Variants in DNAH9 observed in about 807,000 individuals in gnomAD.
The protein encoded by DNAH9 is dynein axonemal heavy chain 9.
Under a neutral mutation model 471.6 loss-of-function variants are expected in DNAH9, and 345 were observed. That is an observed-to-expected ratio of 0.73 (90% CI 0.67 to 0.80). The LOEUF (loss-of-function observed/expected upper bound fraction) is 0.80, where lower values mean the gene tolerates loss of function less well. Among genes scored for constraint, DNAH9 ranks in the 30% least tolerant of loss-of-function variants. The probability of loss-of-function intolerance (pLI) is 0.00; values close to 1 mark genes in which losing one functional copy is unlikely to be tolerated. For missense variants in DNAH9, 5,407 were observed against 5,609.2 expected, an observed-to-expected ratio of 0.96 and a Z score of 1.15; for synonymous variants, 2,093 against 2,123.6, an observed-to-expected ratio of 0.99 and a Z score of 0.40.
chr17:11,760,797 C>A (rs971422181), intron 35 of DNAH9, among the ~76,000 whole-genome samples: 1 of 152,176 alleles, frequency 6.6e-6, no homozygotes, highest in African/African-American at 2.4e-5. Flanking sequence ...GGATTACAGG[C>A]GTGAGCCGCC....
intron 21 of DNAH9, 21 bp downstream of exon 21, chr17:11,694,019 C>A (rs777751806): frequency 2.5e-6 from 4 of 1,608,858 alleles, no homozygotes; most frequent in Non-Finnish European, 3.4e-6. Context: ...GCCCATTACC[C>A]CTTCTCTAAT....
In DNAH9 at chr17:11,629,580, G is replaced by C. The variant is rs778178016; in HGVS notation, c.1514G>C (p.Ser505Thr). The C allele has an allele frequency of 6.2e-7, 1 of 1,613,148 alleles. No homozygotes were observed. The highest frequency in any genetic ancestry group is 8.5e-7 in the Non-Finnish European group (1 of 1,179,686). The change falls in exon 7 of 69, where the codon AGC (serine) becomes ACC (threonine). Residue 505 changes from serine to threonine, a missense_variant. Transcript: ENST00000262442. ...TCCTCCGACTGCCTGTACCTCCAAAGCACGGTAGGGTTGGGAAGGGCTGAA... is the reference window on the plus strand; with the variant it reads ...TCCTCCGACTGCCTGTACCTCCAAACCACGGTAGGGTTGGGAAGGGCTGAA... ...GSSSDCLYLQ[S>T]TDFENDVSEF... is the part of the protein sequence containing the mutation.
At chr17:11,781,891 G>T (rs1780199248) in intron 39 of DNAH9, among the ~76,000 whole-genome samples, 1 of 149,864 alleles carries the variant, frequency 6.7e-6, no homozygotes, top group African/African-American at 2.5e-5. Flanking sequence ...CACCGTGTCT[G>T]CAGACCTTCC....
At chr17:11,854,859 A>G (rs1022051804) in intron 50 of DNAH9, among the ~76,000 whole-genome samples, 1 of 152,186 alleles carries the variant, frequency 6.6e-6, no homozygotes, top group African/African-American at 2.4e-5. Context: ...GAAGTTCGTT[A>G]AAGCAAGTTA....
intron 17 of DNAH9, among the ~76,000 whole-genome samples, chr17:11,675,557 T>C (rs11869421): frequency 0.17 from 26,306 of 152,156 alleles, 2,366 homozygotes; most frequent in African/African-American, 0.21. Flanking sequence ...CTGCTGAGTA[T>C]AATATTTGCT....
At chr17:11,818,788 T>A (rs2150937067) in intron 45 of DNAH9, among the ~76,000 whole-genome samples, 1 of 152,178 alleles carries the variant, frequency 6.6e-6, no homozygotes, top group Non-Finnish European at 1.5e-5. Context: ...CGTTCATTCT[T>A]ACCTCCCTCA....
At chr17:11,934,485 G>T (rs1447267687) in intron 65 of DNAH9, among the ~76,000 whole-genome samples, 1 of 124,096 alleles carries the variant, frequency 8.1e-6, no homozygotes, top group African/African-American at 3.0e-5. Flanking sequence ...TTGCTCTGGC[G>T]CCCAGGCTGG....
chr17:11,852,836 A>G (rs866698852), intron 49 of DNAH9, among the ~76,000 whole-genome samples: 2,247 of 135,578 alleles, frequency 0.017, 172 homozygotes, highest in African/African-American at 0.05. Flanking sequence ...ATATATATAT[A>G]TATATATATA....
intron 59 of DNAH9, 102 bp downstream of exon 59, chr17:11,894,598 G>C (rs1973166624): frequency 6.8e-7 from 1 of 1,479,862 alleles, no homozygotes; most frequent in Admixed American, 1.9e-5. Flanking sequence ...TGGAGTTCAA[G>C]CATGGAGCTG....
intron 59 of DNAH9, among the ~76,000 whole-genome samples, chr17:11,900,747 GATT>G (rs773988830): frequency 2.6e-5 from 4 of 152,322 alleles, no homozygotes; most frequent in South Asian, 2.1e-4. Context: ...CAAATAAAAA[GATT>G]ATATTGGGTG....
chr17:11,734,413 C>G (rs2150825076), intron 28 of DNAH9, among the ~76,000 whole-genome samples: 1 of 152,336 alleles, frequency 6.6e-6, no homozygotes, highest in East Asian at 1.9e-4. Context: ...TGTATCGGTA[C>G]TTTCTAAAAA....
At chr17:11,711,884 A>ATT in intron 26 of DNAH9, among the ~76,000 whole-genome samples, 1 of 12,154 alleles carries the variant, frequency 8.2e-5, no homozygotes, top group African/African-American at 1.2e-4. Flanking sequence ...TTGTATATAT[A>ATT]TTTATATATA....
chr17:11,799,953 T>C (rs966219116), intron 43 of DNAH9, among the ~76,000 whole-genome samples: 7 of 152,114 alleles, frequency 4.6e-5, no homozygotes, highest in Non-Finnish European at 1.5e-5. Context: ...TATCCCACCA[T>C]GTTGATTGTT....
chr17:11,693,703 G>A (rs2074377794), intron 20 of DNAH9, among the ~76,000 whole-genome samples, 165 bp from the exon 21 acceptor site: 1 of 152,116 alleles, frequency 6.6e-6, no homozygotes, highest in Non-Finnish European at 1.5e-5. Flanking sequence ...ATGTAAATGG[G>A]TTCTAAGCTG....
At chr17:11,757,967 G>A (rs1967472813) in intron 35 of DNAH9, among the ~76,000 whole-genome samples, 1 of 152,210 alleles carries the variant, frequency 6.6e-6, no homozygotes. Context: ...GAGGCTGCGG[G>A]TTGTAGTATC....
chr17:11,809,055 A>G (rs77792277), intron 44 of DNAH9, among the ~76,000 whole-genome samples: 7,855 of 152,296 alleles, frequency 0.052, 236 homozygotes, highest in African/African-American at 0.065. Context: ...GGCAACATCA[A>G]GAACTGATGG....
chr17:11,967,267 G>A (rs1028736364), intron 68 of DNAH9, among the ~76,000 whole-genome samples: 1 of 151,552 alleles, frequency 6.6e-6, no homozygotes, highest in Non-Finnish European at 1.5e-5. Context: ...CACCATGCCC[G>A]GCTAACTTTT....
At chr17:11,731,929 G>A (rs1434582154) in intron 28 of DNAH9, among the ~76,000 whole-genome samples, 1 of 152,076 alleles carries the variant, frequency 6.6e-6, no homozygotes, top group East Asian at 1.9e-4. Context: ...ATGGGATGGC[G>A]GGTCAAATGG....
rs970004297 is a variant in DNAH9 at position 11,705,033 on chromosome 17, T to C, written c.5400T>C (p.Asn1800=). 6.2e-7 allele frequency: 1 copy of C among 1,614,044 alleles called. No individual in the cohort carries two copies. The highest frequency in any genetic ancestry group is 8.5e-7 in the Non-Finnish European group (1 of 1,179,984). ...TACCACTCTCTCTTTAGGTAGACAA[T>C]GCCCAGGCTTTCCTCTGGCTGTCTC... is the stretch of plus-strand genomic sequence containing the variant. The part of the protein sequence containing the change: ...VAKMIAQKVD[N]AQAFLWLSQL... The change falls in exon 26 of 69, where the codon AAT becomes AAC. Residue 1800 remains asparagine, a synonymous_variant. Coordinates refer to ENST00000262442, the MANE Select transcript of DNAH9 (RefSeq NM_001372.4).
Sources: allele counts gnomAD v4.1 joint callset (sites outside exome capture counted in the v4.1 genomes callset), GRCh38; gene constraint gnomAD v4.1.1; transcripts MANE v1.5; gene names NCBI Gene and HGNC (gene_info 2026-07-23, HGNC 2026-07-21).